The following PLCH1 variants were observed in gnomAD, a reference collection of about 807,000 sequenced individuals.
PLCH1 encodes 1-phosphatidylinositol 4,5-bisphosphate phosphodiesterase eta-1.
PLCH1 carries 60 observed loss-of-function variants against 126.7 expected under a neutral mutation model. The observed-to-expected ratio is 0.47, with a 90% CI of 0.38 to 0.59. The LOEUF is 0.59. Among genes scored for constraint, PLCH1 ranks in the 20% least tolerant of loss-of-function variants. PLCH1 has a pLI of 0.00. For synonymous variants in PLCH1, 719 were observed against 734.9 expected, an observed-to-expected ratio of 0.98 and a Z score of 0.35; for missense variants, 1,723 against 2,040.0, an observed-to-expected ratio of 0.84 and a Z score of 2.99.
intron 14 of PLCH1, among the ~76,000 whole-genome samples, chr3:155,500,232 T>C (rs148528380): frequency 1.3e-5 from 2 of 152,324 alleles, no homozygotes; most frequent in Admixed American, 1.3e-4. Flanking sequence ...GGCCAGGGCT[T>C]ACAGGGCTAA....
intron 2 of PLCH1, among the ~76,000 whole-genome samples, chr3:155,665,198 C>G (rs572671280): frequency 6.6e-6 from 1 of 152,108 alleles, no homozygotes; most frequent in Admixed American, 6.5e-5. Context: ...CAGCCTGGGC[C>G]GCTGAATCAT....
In PLCH1 at chr3:155,470,591, C is replaced by T. The variant is rs534622666; in HGVS notation, c.2938+14765G>A. On this transcript the variant is annotated intron_variant, in intron 21 of 21. Transcript: ENST00000494598. The stretch of plus-strand genomic sequence containing the variant: ...ATACAGAAAACGCCACAAAGATACT[C>T]CTCGAGAAGAGCAACTCCAAGACAC... Among the ~76,000 whole-genome samples, 6 of 152,216 alleles carry T rather than the reference C, an allele frequency of 3.9e-5. No homozygotes were observed. The East Asian group carries it at 1.2e-3, about 29-fold the overall frequency.
At chr3:155,632,901 T>C (rs1738217421) in intron 2 of PLCH1, among the ~76,000 whole-genome samples, 1 of 152,162 alleles carries the variant, frequency 6.6e-6, no homozygotes, top group African/African-American at 2.4e-5. Context: ...CCAAAGCCTA[T>C]CCCACTTAGA....
chr3:155,610,205 C>A (rs1000557611), intron 2 of PLCH1, among the ~76,000 whole-genome samples: 3 of 151,488 alleles, frequency 2.0e-5, no homozygotes, highest in Non-Finnish European at 4.4e-5. Flanking sequence ...AATAAAAATA[C>A]AAAAAATTGG....
chr3:155,674,884 C>T (rs1001423688), intron 2 of PLCH1, among the ~76,000 whole-genome samples: 2 of 152,106 alleles, frequency 1.3e-5, no homozygotes, highest in Non-Finnish European at 2.9e-5. Context: ...TAAAGCAAGA[C>T]GACCCTGATA....
chr3:155,704,827 T>C (rs575222821), intron 1 of PLCH1, among the ~76,000 whole-genome samples: 19 of 152,180 alleles, frequency 1.2e-4, no homozygotes, highest in Non-Finnish European at 2.2e-4. Flanking sequence ...GCTGAACTCA[T>C]TGATGTAACT....
intron 21 of PLCH1, among the ~76,000 whole-genome samples, chr3:155,487,792 A>G (rs1370454805): frequency 3.3e-5 from 5 of 152,184 alleles, no homozygotes; most frequent in East Asian, 3.9e-4. Flanking sequence ...TCTCAATTCT[A>G]TTAAGCCCAG....
chr3:155,492,118 C>T (rs747464341), intron 18 of PLCH1, among the ~76,000 whole-genome samples: 2 of 151,916 alleles, frequency 1.3e-5, no homozygotes, highest in African/African-American at 4.8e-5. Flanking sequence ...GCGGGAGTGA[C>T]AAAGAACCTG....
chr3:155,487,981 A>G (rs764811369), intron 21 of PLCH1, 47 bp downstream of exon 21: 5 of 1,118,004 alleles, frequency 4.5e-6, no homozygotes, highest in Admixed American at 1.7e-5. Flanking sequence ...AGCATTGTTA[A>G]GGACCATATT....
At chr3:155,453,409 CATTTGGGGGAACTGGGTGA>C (rs1712362461) in intron 21 of PLCH1, among the ~76,000 whole-genome samples, 1 of 152,036 alleles carries the variant, frequency 6.6e-6, no homozygotes, top group African/African-American at 2.4e-5. Context: ...TGAGATGAAA[CATTTGGGGGAACTGGGTGA>C]AGGATATGCA....
intron 2 of PLCH1, among the ~76,000 whole-genome samples, chr3:155,604,004 C>T (rs1206680533): frequency 2.0e-5 from 3 of 152,182 alleles, no homozygotes; most frequent in Middle Eastern, 3.4e-3. Context: ...GAGGCTAAGA[C>T]GAGAGGCTCT....
intron 21 of PLCH1, among the ~76,000 whole-genome samples, chr3:155,461,198 AATAAAGAGAATAG>A (rs1712712199): frequency 6.6e-6 from 1 of 152,194 alleles, no homozygotes; most frequent in Non-Finnish European, 1.5e-5. Context: ...AATTGGACCT[AATAAAGAGAATAG>A]ATCAATCAAC....
chr3:155,657,113 A>T (rs945057042), intron 2 of PLCH1, among the ~76,000 whole-genome samples: 1 of 152,100 alleles, frequency 6.6e-6, no homozygotes, highest in Non-Finnish European at 1.5e-5. Flanking sequence ...GTTAAAAAAA[A>T]ATGTAAGAAT....
At chr3:155,700,177 A>G (rs1746163678) in intron 2 of PLCH1, among the ~76,000 whole-genome samples, 2 of 152,204 alleles carry the variant, frequency 1.3e-5, no homozygotes. Context: ...AGTCTTCAGG[A>G]TCCCGTTTCA....
intron 1 of PLCH1, among the ~76,000 whole-genome samples, chr3:155,737,323 T>C (rs1183632510): frequency 1.3e-5 from 2 of 148,764 alleles, no homozygotes; most frequent in Non-Finnish European, 3.0e-5. Flanking sequence ...TGTATCCTTC[T>C]GAAGATTTTT....
intron 2 of PLCH1, among the ~76,000 whole-genome samples, chr3:155,655,624 G>T (rs1741271110): frequency 6.6e-6 from 1 of 152,074 alleles, no homozygotes; most frequent in Non-Finnish European, 1.5e-5. Flanking sequence ...TAACTAGGGG[G>T]TCAGACAATA....
chr3:155,676,208 C>T (rs1744071609), intron 2 of PLCH1: 27 of 1,286,792 alleles, frequency 2.1e-5, no homozygotes, highest in Non-Finnish European at 2.6e-5. Context: ...ATGATGAGAT[C>T]TTCACAATTC....
Position 155,711,478 on chromosome 3 carries a change from TG to T in PLCH1, c.-40-7215del, listed in dbSNP as rs540409846. ...GGAAGTACTTTGAGTAATAATCATT[TG>T]TCAATACTTTTAAAACTCGACAATG... On this transcript the variant is annotated intron_variant, in intron 1 of 22. Coordinates refer to ENST00000460012, the MANE Select transcript of PLCH1 (RefSeq NM_014996.4). Among the ~76,000 whole-genome samples the T allele has an allele frequency of 4.3e-4, 66 of 152,276 alleles. No individual in the cohort carries two copies. The South Asian group carries it at 0.014, about 32-fold the overall frequency.
intron 8 of PLCH1, among the ~76,000 whole-genome samples, chr3:155,556,679 G>T (rs543850619): frequency 6.6e-6 from 1 of 152,216 alleles, no homozygotes; most frequent in African/African-American, 2.4e-5. Flanking sequence ...CACAATGTGA[G>T]TGGGCCTCGC....
Sources: allele counts gnomAD v4.1 joint callset (sites outside exome capture counted in the v4.1 genomes callset), GRCh38; gene constraint gnomAD v4.1.1; transcripts MANE v1.5; gene names NCBI Gene and HGNC (gene_info 2026-07-23, HGNC 2026-07-21).